ADAMTS17: variants seen among roughly 807,000 people sequenced by gnomAD.
ADAMTS17 encodes the protein A disintegrin and metalloproteinase with thrombospondin motifs 17.
A neutral mutation model predicts 141.5 loss-of-function variants in ADAMTS17; 113 were observed. That is an observed-to-expected ratio of 0.80 (90% confidence interval 0.69 to 0.93). The LOEUF is 0.93. ADAMTS17 is among the 40% of genes least tolerant of loss of function. The pLI is 0.00. For missense variants in ADAMTS17, 1,659 were observed against 1,517.9 expected (o/e 1.09, Z -1.54); for synonymous variants, 768 against 630.6 (o/e 1.22, Z -3.27).
At chr15:100,094,499 T>C (rs2035646501) in intron 15 of ADAMTS17, among the ~76,000 whole-genome samples, 1 of 152,240 alleles carries the variant, frequency 6.6e-6, no homozygotes, top group Non-Finnish European at 1.5e-5. Context: ...AAGACCACTT[T>C]TGACCTTAAT....
intron 14 of ADAMTS17, among the ~76,000 whole-genome samples, chr15:100,099,077 G>T (rs1324566735): frequency 1.3e-5 from 2 of 152,166 alleles, no homozygotes; most frequent in Non-Finnish European, 2.9e-5. Context: ...TGCCCCATTT[G>T]GTCCAGTTTC....
At chr15:100,330,402 A>G (rs974332815) in intron 3 of ADAMTS17, among the ~76,000 whole-genome samples, 1 of 152,198 alleles carries the variant, frequency 6.6e-6, no homozygotes, top group African/African-American at 2.4e-5. Flanking sequence ...TGGCCTGAAA[A>G]TGTGCATGTC....
At chr15:100,007,198 G>A (rs780623422) in intron 18 of ADAMTS17, among the ~76,000 whole-genome samples, 4 of 152,204 alleles carry the variant, frequency 2.6e-5, no homozygotes, top group Non-Finnish European at 1.5e-5. Context: ...CCAAATAAGC[G>A]GGGCTCAGCA....
intron 3 of ADAMTS17, among the ~76,000 whole-genome samples, chr15:100,293,717 C>T (rs2044719269): frequency 6.6e-6 from 1 of 152,214 alleles, no homozygotes; most frequent in African/African-American, 2.4e-5. Context: ...AGAGTCTACA[C>T]TTGCCTTCTT....
intron 8 of ADAMTS17, among the ~76,000 whole-genome samples, chr15:100,193,818 C>G (rs762896777): frequency 6.6e-6 from 1 of 152,162 alleles, no homozygotes; most frequent in South Asian, 2.1e-4. Context: ...GGTTTTTTGA[C>G]CGAAGCAAGG....
At position 99,988,037 on chromosome 15, in the gene ADAMTS17, C is replaced by T. The variant is rs142112922; in HGVS notation, c.2949+5011G>A. ...TGGTAAAACCAACCTTCCCCCAGCTCAGCCTCAGGCTCAGGCTCTGGCTGG... is the reference window on the plus strand; with the variant it reads ...TGGTAAAACCAACCTTCCCCCAGCTTAGCCTCAGGCTCAGGCTCTGGCTGG... On this transcript the variant is annotated intron_variant, in intron 20 of 21. Coordinates refer to ENST00000268070, the MANE Select transcript of ADAMTS17 (RefSeq NM_139057.4). Among the ~76,000 whole-genome samples, 324 of 152,160 alleles carry T rather than the reference C, an allele frequency of 2.1e-3. 1 individual carries two copies. Among genetic ancestry groups the T allele is most frequent in the Non-Finnish European group, 3.2e-3 (215 of 67,984 alleles).
In ADAMTS17 at chr15:100,261,577, C is replaced by T. The variant is rs1432311670; in HGVS notation, c.933G>A (p.Gln311=). 1.9e-6 allele frequency: 3 copies of T among 1,614,156 alleles called. No individual in the cohort carries two copies. Among genetic ancestry groups the T allele is most frequent in the Non-Finnish European group, 2.5e-6 (3 of 1,180,020 alleles). Residue 311 remains glutamine (Q), a synonymous_variant, in exon 6 of 22, where the codon CAG becomes CAA. Coordinates refer to ENST00000268070, the MANE Select transcript of ADAMTS17 (RefSeq NM_139057.4). ...ATCGCGCTCCTCCATACTCCTCGTT[C>T]TGCCAGTGACAGAAGCTCTCCAGGG... ...ERSLESFCHW[Q]NEEYGGARYL...
intron 3 of ADAMTS17, among the ~76,000 whole-genome samples, chr15:100,294,815 C>T (rs917031620): frequency 1.3e-5 from 2 of 152,168 alleles, no homozygotes; most frequent in African/African-American, 2.4e-5. Flanking sequence ...AAAATGTGGC[C>T]GTCCGTGAAA....
chr15:100,143,256 C>G (rs975732985), intron 10 of ADAMTS17, among the ~76,000 whole-genome samples: 3 of 152,228 alleles, frequency 2.0e-5, no homozygotes, highest in South Asian at 2.1e-4. Context: ...AATACACACT[C>G]TTCCTTGCAG....
At chr15:100,005,208 C>T (rs2061014695) in intron 18 of ADAMTS17, among the ~76,000 whole-genome samples, 1 of 152,214 alleles carries the variant, frequency 6.6e-6, no homozygotes, top group Admixed American at 6.5e-5. Context: ...AATGAGATGC[C>T]TCAGGCAGCT....
chr15:100,137,604 G>A (rs1277551625), intron 10 of ADAMTS17, among the ~76,000 whole-genome samples: 1 of 152,158 alleles, frequency 6.6e-6, no homozygotes, highest in Non-Finnish European at 1.5e-5. Flanking sequence ...TGCTCTTCCA[G>A]TACACAACAG....
chr15:100,093,511 T>C (rs965409614), intron 15 of ADAMTS17, among the ~76,000 whole-genome samples: 2 of 152,204 alleles, frequency 1.3e-5, no homozygotes, highest in Admixed American at 6.5e-5. Context: ...CCCACTCAGC[T>C]GCACTTGGCG....
chr15:100,029,318 C>G (rs943819394), intron 18 of ADAMTS17, among the ~76,000 whole-genome samples: 2 of 152,200 alleles, frequency 1.3e-5, no homozygotes, highest in Non-Finnish European at 2.9e-5. Context: ...CTAAATTTAA[C>G]CCTGCTCGGT....
intron 15 of ADAMTS17, among the ~76,000 whole-genome samples, chr15:100,073,806 C>G (rs1275810431): frequency 6.7e-6 from 1 of 150,260 alleles, no homozygotes. Context: ...GGAGATATAC[C>G]TAATGTTAAA....
intron 15 of ADAMTS17, chr15:100,063,817 G>T: frequency 8.3e-7 from 1 of 1,208,942 alleles, no homozygotes; most frequent in Non-Finnish European, 1.1e-6. Context: ...CAGAGGCCGT[G>T]CAGCATCCCC....
At chr15:100,170,076 G>A (rs945518329) in intron 8 of ADAMTS17, among the ~76,000 whole-genome samples, 4 of 152,038 alleles carry the variant, frequency 2.6e-5, no homozygotes, top group African/African-American at 4.8e-5. Flanking sequence ...AAGAGGAAGC[G>A]TGATGTGACT....
chr15:100,244,832 C>T (rs557619654), intron 7 of ADAMTS17, among the ~76,000 whole-genome samples: 2 of 152,250 alleles, frequency 1.3e-5, no homozygotes, highest in South Asian at 4.1e-4. Flanking sequence ...TGTTTATGAA[C>T]AGGCAGCACA....
chr15:100,230,669 T>C (rs1387313687), intron 7 of ADAMTS17, among the ~76,000 whole-genome samples: 2 of 152,192 alleles, frequency 1.3e-5, no homozygotes, highest in Non-Finnish European at 2.9e-5. Flanking sequence ...TCGGGTTTGA[T>C]CACTCAGCAA....
chr15:100,046,429 T>C (rs760053427), intron 18 of ADAMTS17, among the ~76,000 whole-genome samples: 7 of 152,318 alleles, frequency 4.6e-5, no homozygotes, highest in Non-Finnish European at 1.0e-4. Flanking sequence ...AGTTCTCATT[T>C]CATCTGTTTC....
Sources: gnomAD v4.1 joint callset for allele counts (sites outside exome capture counted in the v4.1 genomes callset) on GRCh38, gnomAD v4.1.1 for gene constraint, MANE v1.5 for transcripts, NCBI Gene and HGNC (gene_info 2026-07-23, HGNC 2026-07-21) for gene names.